Variants in SH3GL3 observed in about 807,000 individuals in gnomAD.
SH3GL3 encodes the protein endophilin-A3.
Under a neutral mutation model 47.7 loss-of-function variants are expected in SH3GL3, and 33 were observed. That is an observed-to-expected ratio of 0.69 (90% CI 0.52 to 0.92). The LOEUF (loss-of-function observed/expected upper bound fraction) is 0.92, where lower values mean the gene tolerates loss of function less well. Ranked by LOEUF, SH3GL3 falls within the 40% of genes least tolerant of loss-of-function variation. The probability of loss-of-function intolerance (pLI) is 0.00; values close to 1 mark genes in which losing one functional copy is unlikely to be tolerated. For synonymous variants in SH3GL3, 155 were observed against 148.8 expected (o/e 1.04, Z -0.30); for missense variants, 363 against 417.8 (o/e 0.87, Z 1.14).
the SH3GL3 span, among the ~76,000 whole-genome samples, chr15:83,625,602 C>G: frequency 6.6e-6 from 1 of 152,118 alleles, no homozygotes; most frequent in African/African-American, 2.4e-5. Context: ...TTTTTTCCCT[C>G]TGTTCTCTTT....
At chr15:83,546,119 A>C (rs999056731) in intron 1 of SH3GL3, among the ~76,000 whole-genome samples, 3 of 152,116 alleles carry the variant, frequency 2.0e-5, no homozygotes, top group Admixed American at 1.3e-4. Context: ...CCTTCAGGGC[A>C]GTGGATTTCC....
chr15:83,581,927 G>T (rs1355317868), intron 6 of SH3GL3, among the ~76,000 whole-genome samples: 1 of 152,182 alleles, frequency 6.6e-6, no homozygotes, highest in African/African-American at 2.4e-5. Flanking sequence ...CAAGCCAGGA[G>T]GTGTTTTGGT....
At chr15:83,608,731 T>C (rs1030665632) in intron 8 of SH3GL3, among the ~76,000 whole-genome samples, 2 of 151,972 alleles carry the variant, frequency 1.3e-5, no homozygotes, top group African/African-American at 4.8e-5. Context: ...CAAATTGGGT[T>C]TCTACCCGCC....
chr15:83,524,608 CTT>C (rs1342631670), intron 1 of SH3GL3, among the ~76,000 whole-genome samples: 1 of 152,002 alleles, frequency 6.6e-6, no homozygotes, highest in Non-Finnish European at 1.5e-5. Context: ...AACATTAAAA[CTT>C]ATTCTATCTA....
At chr15:83,611,708 G>C (rs973324613) in intron 8 of SH3GL3, 13 of 152,332 alleles carry the variant, frequency 8.5e-5, no homozygotes, top group African/African-American at 3.1e-4. Context: ...GGTAGGATCA[G>C]TCTTTTCTTA....
intron 1 of SH3GL3, among the ~76,000 whole-genome samples, chr15:83,516,218 CTG>C (rs1290103331): frequency 6.6e-6 from 1 of 152,094 alleles, no homozygotes; most frequent in East Asian, 1.9e-4. Flanking sequence ...AGTGTACTGA[CTG>C]TTGGATTTTT....
intron 1 of SH3GL3, among the ~76,000 whole-genome samples, chr15:83,553,892 AC>A (rs746120446): frequency 6.6e-6 from 1 of 151,012 alleles, no homozygotes; most frequent in Non-Finnish European, 1.5e-5. Context: ...TTTTATTCTC[AC>A]CGTTGTTTCC....
chr15:83,571,638 T>A (rs1014074624), intron 4 of SH3GL3, among the ~76,000 whole-genome samples: 1 of 152,096 alleles, frequency 6.6e-6, no homozygotes, highest in Non-Finnish European at 1.5e-5. Flanking sequence ...GGTAATTAAG[T>A]TGTCCATGCC....
chr15:83,507,423 AT>A (rs879316826), intron 1 of SH3GL3, among the ~76,000 whole-genome samples: 24 of 144,586 alleles, frequency 1.7e-4, no homozygotes, highest in Admixed American at 6.9e-4. Flanking sequence ...TATTATTATT[AT>A]TTTTTTTTTG....
At chr15:83,575,670 A>ACT (rs1280282368) in intron 5 of SH3GL3, among the ~76,000 whole-genome samples, 2 of 151,836 alleles carry the variant, frequency 1.3e-5, no homozygotes, top group African/African-American at 4.8e-5. Flanking sequence ...GATGTTTCTG[A>ACT]CTCTCTGGGT....
intron 8 of SH3GL3, among the ~76,000 whole-genome samples, chr15:83,612,302 C>T (rs2060690067): frequency 6.6e-6 from 1 of 152,238 alleles, no homozygotes; most frequent in Non-Finnish European, 1.5e-5. Flanking sequence ...GGGAGGCTCA[C>T]TTCCACAGCT....
intron 3 of SH3GL3, among the ~76,000 whole-genome samples, chr15:83,568,185 T>C (rs2045646968): frequency 6.6e-6 from 1 of 152,094 alleles, no homozygotes; most frequent in Non-Finnish European, 1.5e-5. Context: ...GGTTTCTCCA[T>C]GTTGGTCAGG....
chr15:83,559,527 G>A (rs894519944), intron 2 of SH3GL3, among the ~76,000 whole-genome samples: 3 of 152,210 alleles, frequency 2.0e-5, no homozygotes, highest in African/African-American at 7.2e-5. Flanking sequence ...GGCAGGTCGA[G>A]TAATGAGATC....
At chr15:83,478,033 G>A (rs1337800738) in intron 1 of SH3GL3, among the ~76,000 whole-genome samples, 1 of 152,084 alleles carries the variant, frequency 6.6e-6, no homozygotes, top group African/African-American at 2.4e-5. Flanking sequence ...AGCAGTGAGA[G>A]TATGTGGATG....
At chr15:83,567,092 A>G (rs2045585502) in intron 3 of SH3GL3, among the ~76,000 whole-genome samples, 1 of 152,220 alleles carries the variant, frequency 6.6e-6, no homozygotes, top group South Asian at 2.1e-4. Context: ...TCTCACCTAC[A>G]GGATGAAATC....
chr15:83,597,550 G>A (rs77471374), intron 8 of SH3GL3, among the ~76,000 whole-genome samples: 13,796 of 151,626 alleles, frequency 0.091, 864 homozygotes, highest in East Asian at 0.21. Context: ...ATTCCTCTGA[G>A]AATATTAATT....
intron 1 of SH3GL3, among the ~76,000 whole-genome samples, chr15:83,502,229 G>A (rs900870960): frequency 2.0e-5 from 3 of 152,262 alleles, no homozygotes; most frequent in African/African-American, 7.2e-5. Flanking sequence ...ATCAGTGTGT[G>A]GAAATGGACA....
intron 1 of SH3GL3, among the ~76,000 whole-genome samples, chr15:83,468,902 T>C (rs890750437): frequency 1.1e-4 from 16 of 151,778 alleles, no homozygotes; most frequent in African/African-American, 3.9e-4. Context: ...TTGTGTAGAA[T>C]TGGTATTAAT....
chr15:83,543,905 C>T (rs1248393107), intron 1 of SH3GL3, among the ~76,000 whole-genome samples: 4 of 151,902 alleles, frequency 2.6e-5, no homozygotes, highest in African/African-American at 4.8e-5. Flanking sequence ...GGTCTTCTCT[C>T]TTTTTCTTAG....
Sources: gnomAD v4.1 joint callset for allele counts (sites outside exome capture counted in the v4.1 genomes callset) on GRCh38, gnomAD v4.1.1 for gene constraint, MANE v1.5 for transcripts, NCBI Gene and HGNC (gene_info 2026-07-23, HGNC 2026-07-21) for gene names.